ZFYVE26: variants seen among roughly 807,000 people sequenced by gnomAD.
ZFYVE26 encodes zinc finger FYVE domain-containing protein 26.
ZFYVE26 carries 181 observed loss-of-function variants against 276.5 expected under a neutral mutation model. The observed-to-expected ratio is 0.65, with a 90% CI of 0.58 to 0.74. ZFYVE26 has a LOEUF of 0.74. ZFYVE26 is among the 30% of genes least tolerant of loss of function. The pLI, the probability that ZFYVE26 is intolerant of heterozygous loss-of-function variation, is 0.00. For synonymous variants in ZFYVE26, 1,129 were observed against 1,203.1 expected, an observed-to-expected ratio of 0.94 and a Z score of 1.27; for missense variants, 2,821 against 3,097.9, an observed-to-expected ratio of 0.91 and a Z score of 2.12.
intron 13 of ZFYVE26, chr14:67,735,409 C>T (rs1321434309): frequency 1.8e-5 from 12 of 652,210 alleles, no homozygotes; most frequent in Middle Eastern, 4.0e-4. Context: ...AAAGACTTGC[C>T]GCAAGTTAAC....
downstream of ZFYVE26, among the ~76,000 whole-genome samples, chr14:67,742,185 T>C (rs2038422480): frequency 6.6e-6 from 1 of 152,180 alleles, no homozygotes; most frequent in South Asian, 2.1e-4. Context: ...TTGCCTGAGG[T>C]ACCTAGAGTA....
At chr14:67,799,531 G>T in intron 10 of ZFYVE26, 1 of 1,578,892 alleles carries the variant, frequency 6.3e-7, no homozygotes, top group Non-Finnish European at 8.7e-7. Flanking sequence ...ACAGTTTTCT[G>T]GCTCAGATGG....
chr14:67,757,677 TCTTTCTCTCTCTCTTTC>T (rs1377407217), intron 35 of ZFYVE26, among the ~76,000 whole-genome samples: 1 of 142,252 alleles, frequency 7.0e-6, no homozygotes, highest in East Asian at 2.0e-4. Flanking sequence ...TTTCTTTCTT[TCTTTCTCTCTCTCTTTC>T]CTTTCTTTCT....
intron 35 of ZFYVE26, among the ~76,000 whole-genome samples, chr14:67,758,727 G>C (rs7152831): frequency 0.94 from 142,760 of 152,148 alleles, 67,254 homozygotes; most frequent in Non-Finnish European, 0.99. Context: ...CCTCTGCCAC[G>C]CAGGTTCAAG....
chr14:67,778,982 A>G (rs2874131), intron 23 of ZFYVE26, among the ~76,000 whole-genome samples: 93,303 of 152,078 alleles, frequency 0.61, 29,579 homozygotes, highest in East Asian at 0.92. Flanking sequence ...CCTCTCTCCA[A>G]AATGTGAGCC....
At position 67,802,293 on chromosome 14, in the gene ZFYVE26, A is replaced by G. The variant is rs760677709; in HGVS notation, c.1436-11T>C. The G allele has an allele frequency of 6.2e-7, 1 of 1,613,950 alleles. No individual in the cohort carries two copies. Among genetic ancestry groups the G allele is most frequent in the South Asian group, 1.1e-5 (1 of 91,020 alleles). The stretch of plus-strand genomic sequence containing the variant: ...GAGCATCAACTGCATCTGAATTACA[A>G]AGAGAAACAGGCTGAACTTGAGAGT... On this transcript the variant is annotated splice_polypyrimidine_tract_variant and intron_variant, in intron 9 of 41. Coordinates refer to ENST00000347230, the MANE Select transcript of ZFYVE26 (RefSeq NM_015346.4).
intron 9 of ZFYVE26, 126 bp downstream of exon 9, chr14:67,803,975 A>G: frequency 7.8e-7 from 1 of 1,278,078 alleles, no homozygotes; most frequent in Non-Finnish European, 1.1e-6. Flanking sequence ...GCTCATTTAG[A>G]GGAGACCTCC....
intron 13 of ZFYVE26, among the ~76,000 whole-genome samples, chr14:67,735,037 G>T (rs1026664219): frequency 1.3e-5 from 2 of 152,200 alleles, no homozygotes; most frequent in African/African-American, 4.8e-5. Flanking sequence ...TCATATCCCA[G>T]ATTATTAGAT....
At chr14:67,786,265 A>AAAAAAAAAAAG (rs1303695644) in intron 16 of ZFYVE26, 32 bp from the exon 17 acceptor site, 3 of 1,589,822 alleles carry the variant, frequency 1.9e-6, no homozygotes, top group Non-Finnish European at 1.7e-6. Flanking sequence ...GGGAATGCAA[A>AAAAAAAAAAAG]AAAAAAAAAT....
intron 27 of ZFYVE26, 26 bp from the exon 28 acceptor site, chr14:67,772,236 G>C (rs1286125257): frequency 1.2e-6 from 2 of 1,608,098 alleles, no homozygotes; most frequent in Admixed American, 3.4e-5. Flanking sequence ...AGAGGTCAGA[G>C]TAAAAGGTAA....
Position 67,755,043 on chromosome 14 carries a change from CCAGCTACCTTGACACAT to C in ZFYVE26, c.6977_6986+7del, listed in dbSNP as rs1284714285. On this transcript the variant is annotated splice_donor_variant and splice_donor_5th_base_variant and coding_sequence_variant and intron_variant, in exon 37 of 42. Coordinates refer to ENST00000347230, the MANE Select transcript of ZFYVE26 (RefSeq NM_015346.4). LOFTEE classifies it high-confidence loss of function. ...CCCACACCAATAGTCCCCTGAACCTCCAGCTACCTTGACACATCAGCTGCAGTCATCTTCTTTCTGAA... is the reference window on the plus strand; with the variant it reads ...CCCACACCAATAGTCCCCTGAACCTCCAGCTGCAGTCATCTTCTTTCTGAA... 4.3e-6 allele frequency: 7 copies of C among 1,613,678 alleles called. No individual in the cohort carries two copies. The highest frequency in any genetic ancestry group is 5.9e-6 in the Non-Finnish European group (7 of 1,180,036).
In ZFYVE26 at chr14:67,804,283, AGGAT is replaced by A; in HGVS notation, c.1272-23_1272-20del. 5 of 1,614,010 alleles carry A rather than the reference AGGAT, an allele frequency of 3.1e-6. No individual in the cohort carries two copies. The highest frequency in any genetic ancestry group is 4.2e-6 in the Non-Finnish European group (5 of 1,179,908). On this transcript the variant is annotated intron_variant, in intron 8 of 41. Transcript: ENST00000347230. The stretch of plus-strand genomic sequence containing the variant: ...GGGGTTGCTGAATGGAAAAGTTGGG[AGGAT>A]GGAAGAGAGGCAGTTTATATTATTG...
intron 41 of ZFYVE26, chr14:67,750,721 A>T (rs1245773584): frequency 2.5e-6 from 1 of 405,680 alleles, no homozygotes; most frequent in East Asian, 5.3e-5. Context: ...CCATCAGTCC[A>T]CCCAAAGATG....
chr14:67,794,311 T>C, intron 12 of ZFYVE26, 72 bp from the exon 13 acceptor site: 7 of 1,440,302 alleles, frequency 4.9e-6, no homozygotes, highest in Non-Finnish European at 6.8e-6. Context: ...GAAGTTGGCT[T>C]GACAGCCAAG....
In ZFYVE26 at chr14:67,755,271, T is replaced by C. The variant is rs369187585; in HGVS notation, c.6787-21A>G. On this transcript the variant is annotated intron_variant, in intron 36 of 41. Coordinates refer to ENST00000347230, the MANE Select transcript of ZFYVE26 (RefSeq NM_015346.4). ...TGGTCCTAGAAGAGGAAAATAAATG[T>C]TCAGGTCAAAGTAGATCAGGGGTTT... is the stretch of plus-strand genomic sequence containing the variant. 16 of 1,613,738 alleles carry C rather than the reference T, an allele frequency of 9.9e-6. No homozygotes were observed. In the African/African-American group the frequency reaches 1.7e-4, roughly 18 times the overall value.
At chr14:67,795,110 G>A (rs2039921400) in intron 12 of ZFYVE26, among the ~76,000 whole-genome samples, 1 of 152,176 alleles carries the variant, frequency 6.6e-6, no homozygotes, top group Non-Finnish European at 1.5e-5. Flanking sequence ...GGTCATTCGA[G>A]GGGCTGTCTC....
At position 67,783,167 on chromosome 14, in the gene ZFYVE26, C is replaced by T. The variant is rs758842694; in HGVS notation, c.3985G>A (p.Val1329Ile). Reference protein sequence around the residue: ...ACLGASPRLKVSKPSLSWKEL... With the variant: ...ACLGASPRLKISKPSLSWKEL... ...TTCCATGACAAGCTGGGTTTGCTGA[C>T]CTTTAACCTCGGGGAAGCCCCCAGG... Residue 1329 changes from valine to isoleucine, a missense_variant, in exon 21 of 42, where the codon GTC becomes ATC. By Grantham distance (29) the Val-to-Ile change is conservative. Coordinates refer to ENST00000347230, the MANE Select transcript of ZFYVE26 (RefSeq NM_015346.4). The T allele has an allele frequency of 3.7e-6, 6 of 1,608,998 alleles. No homozygotes were observed. Among genetic ancestry groups the T allele is most frequent in the Non-Finnish European group, 5.1e-6 (6 of 1,176,744 alleles).
chr14:67,806,561 A>G lies in ZFYVE26; in HGVS notation c.1001T>C (p.Phe334Ser). 1 of 1,614,204 alleles carries G rather than the reference A, an allele frequency of 6.2e-7. No individual in the cohort carries two copies. The highest frequency in any genetic ancestry group is 8.5e-7 in the Non-Finnish European group (1 of 1,180,022). Reference sequence around the variant, plus strand: ...TTGACTTACCAGAATCTGCTCGAGGAAGTGTTTGTTGTTGCTCAGGCAGTA... The same window carrying G: ...TTGACTTACCAGAATCTGCTCGAGGGAGTGTTTGTTGTTGCTCAGGCAGTA... Reference protein sequence around the residue: ...YFYCLSNNKHFLEQILVTALT... With the variant: ...YFYCLSNNKHSLEQILVTALT... The change falls in exon 6 of 42, where the codon TTC (phenylalanine) becomes TCC (serine). Residue 334 changes from phenylalanine to serine, a missense_variant. Phe to Ser is a radical substitution (Grantham distance 155). Transcript: ENST00000347230.
rs1555394387 is a variant in ZFYVE26 at position 67,762,316 on chromosome 14, ACTT to A, written c.6253_6255del (p.Lys2085del). 1.9e-6 allele frequency: 3 copies of A among 1,613,944 alleles called. No individual in the cohort carries two copies. The highest frequency in any genetic ancestry group is 2.5e-6 in the Non-Finnish European group (3 of 1,180,018). On this transcript the variant is annotated inframe_deletion, in exon 34 of 42. Coordinates refer to ENST00000347230, the MANE Select transcript of ZFYVE26 (RefSeq NM_015346.4). Reference sequence around the variant, plus strand: ...AATGGGGGCTTCAGACAGCGACTGAACTTCTCCCGTGCAGCAGTGAGGTTCCCG... The same window carrying A: ...AATGGGGGCTTCAGACAGCGACTGAACTCCCGTGCAGCAGTGAGGTTCCCG...
Sources: gnomAD v4.1 joint callset for allele counts (sites outside exome capture counted in the v4.1 genomes callset) on GRCh38, gnomAD v4.1.1 for gene constraint, MANE v1.5 for transcripts, NCBI Gene and HGNC (gene_info 2026-07-23, HGNC 2026-07-21) for gene names.